AFF3: variants seen among roughly 807,000 people sequenced by gnomAD.
AFF3 encodes AF4/FMR2 family member 3.
AFF3 carries 32 observed loss-of-function variants against 129.7 expected under a neutral mutation model. The observed-to-expected ratio is 0.25, with a 90% confidence interval of 0.19 to 0.33. The LOEUF (loss-of-function observed/expected upper bound fraction) is 0.33, where lower values mean the gene tolerates loss of function less well. AFF3 is among the 10% of genes least tolerant of loss of function. The pLI is 1.00. For synonymous variants in AFF3, 644 were observed against 635.4 expected, an observed-to-expected ratio of 1.01 and a Z score of -0.20; for missense variants, 1,373 against 1,592.0, an observed-to-expected ratio of 0.86 and a Z score of 2.34.
intron 13 of AFF3, among the ~76,000 whole-genome samples, chr2:99,622,988 TGAGTGAGA>T (rs1161979895): frequency 2.0e-5 from 3 of 152,032 alleles, no homozygotes. Context: ...GCAGAAAAGA[TGAGTGAGA>T]GAGTTCCCAG....
At chr2:99,835,321 C>A (rs190511571) in intron 8 of AFF3, among the ~76,000 whole-genome samples, 7 of 152,306 alleles carry the variant, frequency 4.6e-5, no homozygotes, top group Admixed American at 2.6e-4. Context: ...TCTACCTGCT[C>A]ACCAACTATT....
chr2:99,738,349 T>C (rs1680429416), intron 10 of AFF3, among the ~76,000 whole-genome samples: 2 of 152,160 alleles, frequency 1.3e-5, no homozygotes, highest in Non-Finnish European at 2.9e-5. Context: ...TTTTCAACTT[T>C]ATATTCAACG....
chr2:100,026,217 C>T (rs1368784012), intron 4 of AFF3, among the ~76,000 whole-genome samples: 1 of 152,058 alleles, frequency 6.6e-6, no homozygotes, highest in Non-Finnish European at 1.5e-5. Context: ...AACAAACAAT[C>T]CCATAAAAAA....
intron 10 of AFF3, among the ~76,000 whole-genome samples, chr2:99,740,728 G>A (rs1460945901): frequency 6.7e-6 from 1 of 150,300 alleles, no homozygotes; most frequent in African/African-American, 2.4e-5. Context: ...TTTGTCAGAT[G>A]AGTAGGTTGT....
intron 4 of AFF3, among the ~76,000 whole-genome samples, chr2:100,074,509 G>A (rs1688443171): frequency 6.6e-6 from 1 of 152,118 alleles, no homozygotes; most frequent in Non-Finnish European, 1.5e-5. Context: ...ATTTTACAGT[G>A]GATCCATACA....
At chr2:99,791,471 G>A (rs960467218) in intron 8 of AFF3, among the ~76,000 whole-genome samples, 22 of 152,174 alleles carry the variant, frequency 1.4e-4, no homozygotes, top group Non-Finnish European at 1.9e-4. Flanking sequence ...TGTTCAGTAC[G>A]GATGCACCAT....
At chr2:99,655,089 T>C (rs954128281) in intron 12 of AFF3, among the ~76,000 whole-genome samples, 4 of 152,098 alleles carry the variant, frequency 2.6e-5, no homozygotes, top group East Asian at 1.9e-4. Flanking sequence ...CTGGAGAGGT[T>C]TGTAATTCAG....
At chr2:99,969,349 C>T (rs1479978960) in intron 7 of AFF3, among the ~76,000 whole-genome samples, 1 of 152,190 alleles carries the variant, frequency 6.6e-6, no homozygotes, top group Non-Finnish European at 1.5e-5. Flanking sequence ...GACAACTCCT[C>T]TCACATATGG....
chr2:99,755,047 C>T (rs1036880739), intron 8 of AFF3, among the ~76,000 whole-genome samples: 3 of 152,090 alleles, frequency 2.0e-5, no homozygotes, highest in Non-Finnish European at 4.4e-5. Flanking sequence ...ATCCAATAAC[C>T]ACCCAACCTC....
At chr2:99,622,328 T>A (rs1019491754) in intron 13 of AFF3, among the ~76,000 whole-genome samples, 1 of 152,040 alleles carries the variant, frequency 6.6e-6, no homozygotes, top group African/African-American at 2.4e-5. Context: ...GCCCAACCCA[T>A]GAGAGGCAAA....
chr2:99,892,937 A>G (rs1253017654), intron 7 of AFF3, among the ~76,000 whole-genome samples: 1 of 152,158 alleles, frequency 6.6e-6, no homozygotes, highest in Admixed American at 6.5e-5. Context: ...GGGTCCTTCC[A>G]TCCTAGAACA....
intron 7 of AFF3, among the ~76,000 whole-genome samples, chr2:99,871,403 CG>C (rs1463360737): frequency 4.6e-5 from 7 of 152,056 alleles, no homozygotes; most frequent in African/African-American, 1.7e-4. Context: ...ATTTAAATCA[CG>C]GAACTATGCT....
At chr2:99,869,496 A>ATT (rs1218606713) in intron 7 of AFF3, among the ~76,000 whole-genome samples, 3 of 152,222 alleles carry the variant, frequency 2.0e-5, no homozygotes, top group African/African-American at 4.8e-5. Flanking sequence ...GAACCCCATC[A>ATT]TTTAAAATGC....
chr2:99,607,299 G>C (rs934050489), intron 13 of AFF3, among the ~76,000 whole-genome samples: 6 of 152,296 alleles, frequency 3.9e-5, no homozygotes, highest in African/African-American at 1.4e-4. Context: ...TTGGGAGGCT[G>C]AGGCAGGCAG....
intron 4 of AFF3, among the ~76,000 whole-genome samples, chr2:100,102,451 G>A (rs1368283494): frequency 1.3e-5 from 2 of 152,146 alleles, no homozygotes; most frequent in Non-Finnish European, 1.5e-5. Context: ...GTGATTGCAC[G>A]TACATCAACT....
At chr2:99,987,539 A>G (rs151103354) in intron 7 of AFF3, among the ~76,000 whole-genome samples, 58 of 152,310 alleles carry the variant, frequency 3.8e-4, no homozygotes, top group Middle Eastern at 6.8e-3. Context: ...TGAAATAAGC[A>G]ATGCTACCTG....
Position 99,558,906 on chromosome 2 carries a change from T to C in AFF3, c.3254A>G (p.Lys1085Arg). 1 of 1,614,164 alleles carries C rather than the reference T, an allele frequency of 6.2e-7. No individual in the cohort carries two copies. The change falls in exon 22 of 25, where the codon AAG becomes AGG. Residue 1085 changes from lysine to arginine, a missense_variant. Transcript: ENST00000672756. ...MFRLKRDHAV[K>R]YSKALIDYFK... ...ATAGTCGATTAGTGCTTTTGAATAC[T>C]TTACAGCGTGGTCCCTTTTGAGTCG...
intron 12 of AFF3, among the ~76,000 whole-genome samples, chr2:99,666,416 C>G (rs1686681336): frequency 6.6e-6 from 1 of 151,950 alleles, no homozygotes; most frequent in Admixed American, 6.6e-5. Context: ...CAAAGAGATA[C>G]ACATAAAAAT....
chr2:99,955,046 T>C (rs866259990), intron 7 of AFF3, among the ~76,000 whole-genome samples: 1 of 152,080 alleles, frequency 6.6e-6, no homozygotes, highest in Non-Finnish European at 1.5e-5. Flanking sequence ...AGATTTCATA[T>C]ATTTTTGCAA....
Sources: gnomAD v4.1 joint callset for allele counts (sites outside exome capture counted in the v4.1 genomes callset) on GRCh38, gnomAD v4.1.1 for gene constraint, MANE v1.5 for transcripts, NCBI Gene and HGNC (gene_info 2026-07-23, HGNC 2026-07-21) for gene names.